SLC4A4: variants seen among roughly 807,000 people sequenced by gnomAD.
SLC4A4 encodes the protein electrogenic sodium bicarbonate cotransporter 1.
In SLC4A4, 27 loss-of-function variants were observed where a neutral mutation model predicts 111.5. That is an observed-to-expected ratio of 0.24 (90% CI 0.18 to 0.33). SLC4A4 has a LOEUF of 0.33. Ranked by LOEUF, SLC4A4 falls within the 10% of genes least tolerant of loss-of-function variation. The pLI is 1.00. For missense variants in SLC4A4, 909 were observed against 1,315.5 expected, an observed-to-expected ratio of 0.69 and a Z score of 4.78; for synonymous variants, 443 against 463.4, an observed-to-expected ratio of 0.96 and a Z score of 0.57.
At chr4:71,413,480 G>A (rs1721571666) in intron 7 of SLC4A4, among the ~76,000 whole-genome samples, 1 of 152,162 alleles carries the variant, frequency 6.6e-6, no homozygotes. Context: ...ATCCAGACAG[G>A]TCTTAAGAGC....
rs1491510042 is a variant in SLC4A4, at chr4:71,311,888, T to TGC, written c.254-27481_254-27480insCG. 8.1e-3 allele frequency among the ~76,000 whole-genome samples: 255 copies of TGC among 31,554 alleles called. 3 individuals are homozygous for TGC. The highest frequency in any genetic ancestry group is 0.038 in the South Asian group (48 of 1,276). The allele number at this position is 31,554 out of a possible 152,430, so 20.7% of individuals were successfully genotyped here. On this transcript the variant is annotated intron_variant, in intron 3 of 25. Transcript: ENST00000264485. ...AGGAGCCTGAGCAAATGTGCAAGGC[T>TGC]GTGAGAGAGAGAGAGAGAGAGAGAG...
intron 5 of SLC4A4, among the ~76,000 whole-genome samples, chr4:71,352,171 T>C (rs1159388172): frequency 1.3e-5 from 2 of 152,182 alleles, no homozygotes; most frequent in East Asian, 3.9e-4. Flanking sequence ...AATCCAGTTT[T>C]TGAGTGAAAA....
intron 6 of SLC4A4, among the ~76,000 whole-genome samples, chr4:71,387,964 G>A (rs1420131538): frequency 6.6e-6 from 1 of 152,100 alleles, no homozygotes; most frequent in Non-Finnish European, 1.5e-5. Context: ...GTGGCTGCAG[G>A]AACCTACTGA....
At position 71,447,738 on chromosome 4, in the gene SLC4A4, G is replaced by T; in HGVS notation, c.1053+5G>T. 3.2e-6 allele frequency: 5 copies of T among 1,582,224 alleles called. No individual in the cohort carries two copies. In the South Asian group the frequency reaches 5.5e-5, roughly 18 times the overall value. ...GCCACCCTGATGTCTGATGAGGTAG[G>T]AAATCAGGAAGATGGAGTTCTGTGA... On this transcript the variant is annotated splice_donor_5th_base_variant and intron_variant, in intron 9 of 25. Coordinates refer to ENST00000264485, the MANE Select transcript of SLC4A4 (RefSeq NM_001098484.3).
chr4:71,141,612 A>G (rs567531085), intron 2 of SLC4A4, among the ~76,000 whole-genome samples: 2 of 152,310 alleles, frequency 1.3e-5, no homozygotes, highest in East Asian at 1.9e-4. Context: ...AAATGTCTAC[A>G]TAACCACATG....
intron 16 of SLC4A4, among the ~76,000 whole-genome samples, chr4:71,526,386 A>AT (rs1733423476): frequency 6.6e-6 from 1 of 152,042 alleles, no homozygotes; most frequent in African/African-American, 2.4e-5. Context: ...CCTGACTGTG[A>AT]TTTTTAATGA....
intron 2 of SLC4A4, among the ~76,000 whole-genome samples, chr4:71,161,609 A>T (rs1269193213): frequency 6.6e-6 from 1 of 152,224 alleles, no homozygotes; most frequent in East Asian, 1.9e-4. Flanking sequence ...GAGGACAAAG[A>T]TTATATTATG....
intron 8 of SLC4A4, among the ~76,000 whole-genome samples, chr4:71,443,014 T>G (rs948638298): frequency 2.0e-5 from 3 of 149,890 alleles, no homozygotes; most frequent in Non-Finnish European, 4.4e-5. Context: ...TAGGATATGT[T>G]TATGATTTTC....
intron 4 of SLC4A4, among the ~76,000 whole-genome samples, chr4:71,343,917 T>C (rs1022246420): frequency 3.3e-5 from 5 of 151,980 alleles, no homozygotes; most frequent in Non-Finnish European, 5.9e-5. Context: ...CTGTCTTCCC[T>C]GAACCCCCAC....
chr4:71,424,921 C>T (rs1722973182), intron 7 of SLC4A4, among the ~76,000 whole-genome samples: 1 of 152,044 alleles, frequency 6.6e-6, no homozygotes, highest in Middle Eastern at 3.4e-3. Flanking sequence ...AATGCACCAA[C>T]ATGGCACATG....
chr4:71,281,790 T>G (rs755931731), intron 3 of SLC4A4, among the ~76,000 whole-genome samples: 3 of 152,238 alleles, frequency 2.0e-5, no homozygotes, highest in Non-Finnish European at 4.4e-5. Context: ...CAAAATAATT[T>G]GAGAGATTAT....
At chr4:71,263,535 C>G (rs1225883922) in intron 3 of SLC4A4, among the ~76,000 whole-genome samples, 1 of 152,160 alleles carries the variant, frequency 6.6e-6, no homozygotes, top group Non-Finnish European at 1.5e-5. Flanking sequence ...TTAAAATAAT[C>G]TGGTCTATCC....
chr4:71,217,254 A>G (rs1718486347), intron 1 of SLC4A4, among the ~76,000 whole-genome samples: 1 of 152,194 alleles, frequency 6.6e-6, no homozygotes, highest in African/African-American at 2.4e-5. Flanking sequence ...GGAGCAATAA[A>G]TGATTTGGGT....
chr4:71,188,994 C>T (rs1745613182), intron 1 of SLC4A4, among the ~76,000 whole-genome samples: 2 of 152,180 alleles, frequency 1.3e-5, no homozygotes, highest in South Asian at 2.1e-4. Flanking sequence ...GTATCCCACA[C>T]TGTCAAGTAA....
intron 3 of SLC4A4, among the ~76,000 whole-genome samples, chr4:71,315,763 T>A (rs1044800332): frequency 6.6e-6 from 1 of 152,174 alleles, no homozygotes; most frequent in Non-Finnish European, 1.5e-5. Context: ...CCTTAGTTAT[T>A]CTGTCTGATT....
At chr4:71,417,341 G>C (rs914899903) in intron 7 of SLC4A4, among the ~76,000 whole-genome samples, 1 of 152,136 alleles carries the variant, frequency 6.6e-6, no homozygotes, top group Non-Finnish European at 1.5e-5. Flanking sequence ...GGGAAGGTGG[G>C]GGGTAGTCAG....
At chr4:71,421,238 AAGGCC>A (rs1369742925) in intron 7 of SLC4A4, among the ~76,000 whole-genome samples, 11 of 152,230 alleles carry the variant, frequency 7.2e-5, no homozygotes, top group African/African-American at 2.7e-4. Flanking sequence ...AGAGACAAAG[AAGGCC>A]ATTACATAAT....
intron 6 of SLC4A4, among the ~76,000 whole-genome samples, chr4:71,367,340 G>T (rs1731429235): frequency 6.6e-6 from 1 of 152,204 alleles, no homozygotes. Context: ...GAAATTGGAA[G>T]CTAAAGGACA....
intron 6 of SLC4A4, among the ~76,000 whole-genome samples, chr4:71,396,224 C>T (rs1216447235): frequency 2.6e-5 from 4 of 152,124 alleles, no homozygotes; most frequent in African/African-American, 9.7e-5. Flanking sequence ...GAATAAAACA[C>T]CCAACCAGGT....
Sources: allele counts gnomAD v4.1 joint callset (sites outside exome capture counted in the v4.1 genomes callset), GRCh38; gene constraint gnomAD v4.1.1; transcripts MANE v1.5; gene names NCBI Gene and HGNC (gene_info 2026-07-23, HGNC 2026-07-21).